Variants in DACH1 observed in about 807,000 individuals in gnomAD.
DACH1 encodes dachshund homolog 1.
Under a neutral mutation model 54.2 loss-of-function variants are expected in DACH1, and 12 were observed. That is an observed-to-expected ratio of 0.22 (90% CI 0.14 to 0.36). The LOEUF (loss-of-function observed/expected upper bound fraction) is 0.36, where lower values mean the gene tolerates loss of function less well. Among genes scored for constraint, DACH1 ranks in the 10% least tolerant of loss-of-function variants. The pLI is 1.00. For synonymous variants in DACH1, 386 were observed against 366.2 expected (o/e 1.05, Z -0.62); for missense variants, 805 against 929.8 (o/e 0.87, Z 1.75).
intron 1 of DACH1, among the ~76,000 whole-genome samples, chr13:71,725,925 G>A (rs1883447863): frequency 6.6e-6 from 1 of 152,118 alleles, no homozygotes; most frequent in East Asian, 1.9e-4. Context: ...GCTCCACAAA[G>A]TTATGTATTT....
At chr13:71,604,517 C>A (rs547700409) in intron 3 of DACH1, among the ~76,000 whole-genome samples, 1 of 151,918 alleles carries the variant, frequency 6.6e-6, no homozygotes, top group African/African-American at 2.4e-5. Context: ...GAAACCAAAC[C>A]GTTAAATGTT....
chr13:71,467,857 T>G (rs2138154603), intron 10 of DACH1, among the ~76,000 whole-genome samples: 1 of 152,268 alleles, frequency 6.6e-6, no homozygotes, highest in African/African-American at 2.4e-5. Context: ...ATATTTATAT[T>G]TTAAGATCGA....
intron 2 of DACH1, among the ~76,000 whole-genome samples, chr13:71,644,756 C>G (rs1026976531): frequency 1.3e-5 from 2 of 152,116 alleles, no homozygotes; most frequent in African/African-American, 4.8e-5. Flanking sequence ...TCTTGGCCAC[C>G]TTTGAATCTG....
In DACH1 at chr13:71,439,037, T is replaced by C. The variant is rs1371212874; in HGVS notation, c.*1618A>G. 6.6e-6 allele frequency: 1 copy of C among 152,478 alleles called. No individual in the cohort carries two copies. The highest frequency in any genetic ancestry group is 1.5e-5 in the Non-Finnish European group (1 of 67,906). The allele number at this position is 152,478 out of a possible 1,614,324, so 9.4% of individuals were successfully genotyped here. A position where few individuals can be genotyped will look rare whatever the true frequency, so the allele number is the denominator to read the frequency against. On this transcript the variant is annotated 3_prime_UTR_variant, in exon 11 of 11. Coordinates refer to ENST00000613252, the MANE Select transcript of DACH1 (RefSeq NM_080759.6). The stretch of plus-strand genomic sequence containing the variant: ...GGAAGACCTAAAAGGTATAGAAGCG[T>C]AATGCCAGAGTATCTATAATGTTAA...
chr13:71,844,382 T>C (rs1392836252), intron 1 of DACH1, among the ~76,000 whole-genome samples: 2 of 152,062 alleles, frequency 1.3e-5, no homozygotes, highest in Non-Finnish European at 2.9e-5. Flanking sequence ...CAATCATGAG[T>C]AGAAGCAAAA....
At chr13:71,553,901 G>C (rs1253052470) in intron 6 of DACH1, among the ~76,000 whole-genome samples, 1 of 151,596 alleles carries the variant, frequency 6.6e-6, no homozygotes, top group Non-Finnish European at 1.5e-5. Context: ...GTGATTCTCA[G>C]AATACAAATA....
rs1422050468 is a variant in DACH1, at chr13:71,464,644, G to A, written c.2083+10497C>T. On this transcript the variant is annotated intron_variant, in intron 10 of 10. Transcript: ENST00000613252. ...AAATATTTTATGAAGACAATTAAGGGAACCATTAATTACTGCTTTTTTTGC... is the reference window on the plus strand; with the variant it reads ...AAATATTTTATGAAGACAATTAAGGAAACCATTAATTACTGCTTTTTTTGC... 16 of 447,642 alleles carry A rather than the reference G, an allele frequency of 3.6e-5. No individual in the cohort carries two copies. The Admixed American group carries it at 4.0e-4, about 11-fold the overall frequency. 27.7% of individuals were successfully genotyped at this position (447,642 alleles called of 1,614,324 possible).
chr13:71,784,499 A>T (rs1398534529), intron 1 of DACH1, among the ~76,000 whole-genome samples: 3 of 152,088 alleles, frequency 2.0e-5, no homozygotes, highest in African/African-American at 7.2e-5. Context: ...TGTTCATGTG[A>T]TTCACACCCA....
chr13:71,496,442 T>C (rs1879449662), intron 6 of DACH1, among the ~76,000 whole-genome samples: 1 of 151,486 alleles, frequency 6.6e-6, no homozygotes, highest in Non-Finnish European at 1.5e-5. Context: ...TGGAGGCCAT[T>C]ATCTTAAAAC....
At chr13:71,550,445 T>C (rs1377705250) in intron 6 of DACH1, among the ~76,000 whole-genome samples, 1 of 152,036 alleles carries the variant, frequency 6.6e-6, no homozygotes, top group East Asian at 1.9e-4. Context: ...AGAAATCATG[T>C]AGGAAAGGAC....
At chr13:71,668,343 T>A (rs1442095866) in intron 2 of DACH1, among the ~76,000 whole-genome samples, 2 of 152,052 alleles carry the variant, frequency 1.3e-5, no homozygotes, top group Non-Finnish European at 2.9e-5. Flanking sequence ...TATCCTTACA[T>A]CCCAGGAAGT....
At chr13:71,580,884 G>A (rs2138433097) in intron 3 of DACH1, among the ~76,000 whole-genome samples, 1 of 152,064 alleles carries the variant, frequency 6.6e-6, no homozygotes, top group African/African-American at 2.4e-5. Context: ...TTTTACCTCA[G>A]CTGCTGTAAT....
Position 71,867,035 on chromosome 13 carries a change from G to A in DACH1, c.-266C>T, listed in dbSNP as rs1874875717. ...CAAGTCGAAATGCGAGTCCTCTCCG[G>A]GGGCTGGGATCGAGGGCTGGTTTGG... On this transcript the variant is annotated 5_prime_UTR_variant, in exon 1 of 11. Transcript: ENST00000613252. 3.7e-6 allele frequency: 1 copy of A among 272,884 alleles called. No homozygotes were observed. The highest frequency in any genetic ancestry group is 2.2e-5 in the African/African-American group (1 of 45,156). The allele number at this position is 272,884 out of a possible 1,614,324, so 16.9% of individuals were successfully genotyped here. A position where few individuals can be genotyped will look rare whatever the true frequency, so the allele number is the denominator to read the frequency against.
intron 1 of DACH1, among the ~76,000 whole-genome samples, chr13:71,818,738 A>C (rs2138175587): frequency 6.6e-6 from 1 of 152,390 alleles, no homozygotes; most frequent in South Asian, 2.1e-4. Flanking sequence ...ACAAAAAGGT[A>C]AAGTAAATAC....
intron 1 of DACH1, among the ~76,000 whole-genome samples, chr13:71,696,550 C>CTT (rs201321215): frequency 2.8e-5 from 4 of 144,844 alleles, no homozygotes; most frequent in Non-Finnish European, 4.6e-5. Flanking sequence ...TTCAAATTCA[C>CTT]TTTTTTTTTT....
At chr13:71,788,136 A>G (rs1487546906) in intron 1 of DACH1, among the ~76,000 whole-genome samples, 4 of 152,154 alleles carry the variant, frequency 2.6e-5, no homozygotes, top group African/African-American at 9.7e-5. Flanking sequence ...AGAAATTTCC[A>G]AAACAATTCA....
intron 1 of DACH1, among the ~76,000 whole-genome samples, chr13:71,817,832 T>TTTTTTA (rs1888023579): frequency 6.8e-6 from 1 of 147,944 alleles, no homozygotes; most frequent in African/African-American, 2.5e-5. Context: ...TTTTTTTTTT[T>TTTTTTA]GAGACAGGGT....
chr13:71,863,232 A>G (rs1874471677), intron 1 of DACH1, among the ~76,000 whole-genome samples: 1 of 152,158 alleles, frequency 6.6e-6, no homozygotes, highest in Admixed American at 6.5e-5. Context: ...GGTAAACAGT[A>G]TATTTGGTGA....
chr13:71,636,650 GATA>G (rs1338894289), intron 2 of DACH1, among the ~76,000 whole-genome samples: 3 of 151,462 alleles, frequency 2.0e-5, no homozygotes, highest in Admixed American at 6.6e-5. Context: ...TCAGTGGAAA[GATA>G]ATAAGTCATA....
Sources: gnomAD v4.1 joint callset for allele counts (sites outside exome capture counted in the v4.1 genomes callset) on GRCh38, gnomAD v4.1.1 for gene constraint, MANE v1.5 for transcripts, NCBI Gene and HGNC (gene_info 2026-07-23, HGNC 2026-07-21) for gene names.